Variants in CADM1 observed in about 807,000 individuals in gnomAD.
CADM1 encodes the protein cell adhesion molecule 1, also known as TSLC-1.
In CADM1, 15 loss-of-function variants were observed where a neutral mutation model predicts 53.1. The observed-to-expected ratio is 0.28, with a 90% CI of 0.19 to 0.44. The LOEUF (loss-of-function observed/expected upper bound fraction) is 0.44, where lower values mean the gene tolerates loss of function less well. Among genes scored for constraint, CADM1 ranks in the 20% least tolerant of loss-of-function variants. The pLI, the probability that CADM1 is intolerant of heterozygous loss-of-function variation, is 1.00. For synonymous variants in CADM1, 281 were observed against 243.0 expected (o/e 1.16, Z -1.45); for missense variants, 434 against 611.3 (o/e 0.71, Z 3.06).
At position 115,432,722 on chromosome 11, in the gene CADM1, C is replaced by T. The variant is rs2427672; in HGVS notation, c.124+71549G>A. Among the ~76,000 whole-genome samples the T allele has an allele frequency of 6.2e-3, 951 of 152,298 alleles. 11 individuals are homozygous for T. The highest frequency in any genetic ancestry group is 0.021 in the African/African-American group (871 of 41,562). On this transcript the variant is annotated intron_variant, in intron 1 of 11. Coordinates refer to ENST00000331581, the MANE Select transcript of CADM1 (RefSeq NM_001301043.2). Reference sequence around the variant, plus strand: ...TTGAAATGGTGGTTCTGATAGCCTACGGGTATTACACATCCACCTACTTAA... The same window carrying T: ...TTGAAATGGTGGTTCTGATAGCCTATGGGTATTACACATCCACCTACTTAA...
intron 1 of CADM1, among the ~76,000 whole-genome samples, chr11:115,354,431 ATTCT>A (rs1945811750): frequency 6.6e-6 from 1 of 152,154 alleles, no homozygotes; most frequent in East Asian, 1.9e-4. Context: ...TAACCCTGAT[ATTCT>A]TAAGACCTGG....
intron 1 of CADM1, among the ~76,000 whole-genome samples, chr11:115,311,384 G>A (rs1457170070): frequency 6.6e-6 from 1 of 151,966 alleles, no homozygotes; most frequent in African/African-American, 2.4e-5. Flanking sequence ...CATCCCTCGG[G>A]GATCATCAGG....
chr11:115,208,164 T>C (rs1219205888), intron 8 of CADM1, among the ~76,000 whole-genome samples: 1 of 152,174 alleles, frequency 6.6e-6, no homozygotes, highest in Non-Finnish European at 1.5e-5. Flanking sequence ...AGCAGCCTGG[T>C]TGGAGCTGAG....
At chr11:115,219,691 AC>A (rs1234015274) in intron 5 of CADM1, among the ~76,000 whole-genome samples, 2 of 152,128 alleles carry the variant, frequency 1.3e-5, no homozygotes, top group African/African-American at 4.8e-5. Flanking sequence ...ATGACCTTGA[AC>A]CAGCACTGGG....
chr11:115,426,892 T>C (rs1947907219), intron 1 of CADM1, among the ~76,000 whole-genome samples: 1 of 152,132 alleles, frequency 6.6e-6, no homozygotes, highest in African/African-American at 2.4e-5. Context: ...GGTTGCTGTG[T>C]TTCCTGGCAT....
chr11:115,259,786 T>C (rs545314095), intron 1 of CADM1, among the ~76,000 whole-genome samples: 1 of 152,284 alleles, frequency 6.6e-6, no homozygotes, highest in East Asian at 1.9e-4. Flanking sequence ...AAAGATCTCA[T>C]CCTGAACTCT....
intron 1 of CADM1, among the ~76,000 whole-genome samples, chr11:115,343,362 A>G (rs1244241430): frequency 1.3e-5 from 2 of 152,130 alleles, no homozygotes; most frequent in African/African-American, 2.4e-5. Context: ...CAGTAACCCA[A>G]TGGGGTAAGC....
At chr11:115,473,978 G>A (rs1949070995) in intron 1 of CADM1, among the ~76,000 whole-genome samples, 1 of 152,038 alleles carries the variant, frequency 6.6e-6, no homozygotes, top group South Asian at 2.1e-4. Flanking sequence ...TTGACAATAA[G>A]AAAATGGCCT....
At chr11:115,305,979 C>G (rs1944357303) in intron 1 of CADM1, among the ~76,000 whole-genome samples, 1 of 148,312 alleles carries the variant, frequency 6.7e-6, no homozygotes, top group Admixed American at 6.8e-5. Context: ...ATATAGAATT[C>G]CTACACATTT....
Position 115,175,348 on chromosome 11 carries a change from C to G in CADM1, c.*1126G>C. ...ATATACAGTACATGCAGGCCACATC[C>G]TACTGCCTTCCTAACTAAGCACAAA... On this transcript the variant is annotated 3_prime_UTR_variant, in exon 12 of 12. Coordinates refer to ENST00000331581, the MANE Select transcript of CADM1 (RefSeq NM_001301043.2). 2.0e-6 allele frequency: 2 copies of G among 979,942 alleles called. No homozygotes were observed. Among genetic ancestry groups the G allele is most frequent in the Non-Finnish European group, 2.4e-6 (2 of 827,048 alleles). 60.7% of individuals were successfully genotyped at this position (979,942 alleles called of 1,614,324 possible). A position where few individuals can be genotyped will look rare whatever the true frequency, so the allele number is the denominator to read the frequency against.
chr11:115,309,720 C>T (rs535188175), intron 1 of CADM1, among the ~76,000 whole-genome samples: 9 of 152,078 alleles, frequency 5.9e-5, no homozygotes, highest in African/African-American at 1.9e-4. Context: ...TTCTATCCCC[C>T]GGCCGTGTGA....
chr11:115,488,036 G>GAAAAA (rs11404998), intron 1 of CADM1, among the ~76,000 whole-genome samples: 14 of 147,438 alleles, frequency 9.5e-5, no homozygotes, highest in Non-Finnish European at 1.8e-4. Context: ...GCAATCCCTG[G>GAAAAA]AAAAAAAAAA....
intron 1 of CADM1, among the ~76,000 whole-genome samples, chr11:115,389,638 T>C (rs1311075924): frequency 3.9e-5 from 6 of 152,098 alleles, no homozygotes; most frequent in Non-Finnish European, 7.4e-5. Flanking sequence ...AGATGATACA[T>C]ATAGCATGAT....
chr11:115,253,357 C>T (rs1224552265), intron 1 of CADM1, among the ~76,000 whole-genome samples: 1 of 152,096 alleles, frequency 6.6e-6, no homozygotes, highest in Non-Finnish European at 1.5e-5. Context: ...TGAGACCTTT[C>T]CTGCTTTCTA....
Position 115,466,092 on chromosome 11 carries a change from G to T in CADM1, c.124+38179C>A, listed in dbSNP as rs559325511. Among the ~76,000 whole-genome samples, 19 of 152,100 alleles carry T rather than the reference G, an allele frequency of 1.2e-4. No individual in the cohort carries two copies. In the South Asian group the frequency reaches 2.5e-3, roughly 20 times the overall value. On this transcript the variant is annotated intron_variant, in intron 1 of 11. Coordinates refer to ENST00000331581, the MANE Select transcript of CADM1 (RefSeq NM_001301043.2). ...GTTATTTAGTTTCTGGTAAAGACAT[G>T]ATGAGCCAAAAAAGCTATGAAAAAA...
rs1219056291 is a variant in CADM1 at position 115,169,741 on chromosome 11, G to A, written c.*6733C>T. ...TTCCATAGCAATACTTTTTAATCAG[G>A]TCTGCTGTGTCTGGGCAAACAGCTT... On this transcript the variant is annotated 3_prime_UTR_variant, in exon 12 of 12. Transcript: ENST00000331581. 3 of 377,042 alleles carry A rather than the reference G, an allele frequency of 8.0e-6. No homozygotes were observed. The highest frequency in any genetic ancestry group is 1.6e-5 in the Non-Finnish European group (3 of 187,216). The allele number at this position is 377,042 out of a possible 1,614,324, so 23.4% of individuals were successfully genotyped here.
rs115039285 is a variant in CADM1 at position 115,435,459 on chromosome 11, G to A, written c.124+68812C>T. ...AATAAAAGTTGTATTGGGGCTGGGC[G>A]TGGTGGCTCACTCCTGTAATCCCAG... On this transcript the variant is annotated intron_variant, in intron 1 of 11. Coordinates refer to ENST00000331581, the MANE Select transcript of CADM1 (RefSeq NM_001301043.2). 3.4e-3 allele frequency among the ~76,000 whole-genome samples: 513 copies of A among 152,176 alleles called. 4 individuals carry two copies. The highest frequency in any genetic ancestry group is 0.011 in the African/African-American group (466 of 41,540).
intron 1 of CADM1, among the ~76,000 whole-genome samples, chr11:115,430,717 CA>C (rs1319249235): frequency 6.6e-6 from 1 of 152,116 alleles, no homozygotes. Context: ...ATGAATGCCG[CA>C]GGACCAGAGA....
At chr11:115,343,598 A>T (rs1056944655) in intron 1 of CADM1, among the ~76,000 whole-genome samples, 4 of 152,120 alleles carry the variant, frequency 2.6e-5, no homozygotes, top group Non-Finnish European at 4.4e-5. Context: ...TCAGCACAAT[A>T]AAAAGGGAAA....
Sources: gnomAD v4.1 joint callset for allele counts (sites outside exome capture counted in the v4.1 genomes callset) on GRCh38, gnomAD v4.1.1 for gene constraint, MANE v1.5 for transcripts, NCBI Gene and HGNC (gene_info 2026-07-23, HGNC 2026-07-21) for gene names.